TAMM41: variants seen among roughly 807,000 people sequenced by gnomAD.
TAMM41 encodes phosphatidate cytidylyltransferase, mitochondrial.
In TAMM41, 36 loss-of-function variants were observed where a neutral mutation model predicts 44.1. That is an observed-to-expected ratio of 0.82 (90% confidence interval 0.63 to 1.08). TAMM41 has a LOEUF of 1.08. TAMM41 is among the 50% of genes least tolerant of loss of function. The probability of loss-of-function intolerance (pLI) is 0.00; values close to 1 mark genes in which losing one functional copy is unlikely to be tolerated. For synonymous variants in TAMM41, 164 were observed against 153.1 expected, an observed-to-expected ratio of 1.07 and a Z score of -0.53; for missense variants, 417 against 404.3, an observed-to-expected ratio of 1.03 and a Z score of -0.27.
chr3:11,758,737 T>C, the TAMM41 span, among the ~76,000 whole-genome samples: 4 of 150,598 alleles, frequency 2.7e-5, no homozygotes, highest in Admixed American at 1.3e-4. Context: ...GCAGTGGTAC[T>C]ATCTCAGCTC....
the TAMM41 span, among the ~76,000 whole-genome samples, chr3:11,782,141 G>T: frequency 0.039 from 5,868 of 152,300 alleles, 153 homozygotes; most frequent in Non-Finnish European, 0.04. Flanking sequence ...CAAAGATGGG[G>T]TGTGATACTG....
At chr3:11,843,844 G>A (rs1002338498) in intron 2 of TAMM41, 185 bp downstream of exon 2, 3 of 614,550 alleles carry the variant, frequency 4.9e-6, no homozygotes, top group Non-Finnish European at 8.2e-6. Context: ...CGTCTGGCAG[G>A]AGTGTGAATG....
chr3:11,751,333 C>A, the TAMM41 span, among the ~76,000 whole-genome samples: 3 of 152,188 alleles, frequency 2.0e-5, no homozygotes, highest in Admixed American at 2.0e-4. Flanking sequence ...CTCAAGTGAT[C>A]TGCCCGCCTC....
the TAMM41 span, among the ~76,000 whole-genome samples, chr3:11,774,515 C>T: frequency 2.6e-5 from 4 of 152,224 alleles, no homozygotes; most frequent in African/African-American, 9.6e-5. Context: ...TCACAGGCCC[C>T]AGCTGCCGCC....
At chr3:11,726,476 T>TTATTAATG in the TAMM41 span, among the ~76,000 whole-genome samples, 1 of 152,164 alleles carries the variant, frequency 6.6e-6, no homozygotes, top group African/African-American at 2.4e-5. Flanking sequence ...TCGAGATTGA[T>TTATTAATG]TATTAATGTA....
chr3:11,739,664 T>A, the TAMM41 span, among the ~76,000 whole-genome samples: 2 of 70,608 alleles, frequency 2.8e-5, no homozygotes, highest in Non-Finnish European at 2.4e-5. Context: ...AGAACAAGAC[T>A]CCATCTCAAA....
chr3:11,779,803 G>A, the TAMM41 span, among the ~76,000 whole-genome samples: 3 of 152,246 alleles, frequency 2.0e-5, no homozygotes, highest in East Asian at 3.9e-4. Context: ...CATTCCAAAC[G>A]CAGCATGTTC....
chr3:11,758,498 C>T, the TAMM41 span, among the ~76,000 whole-genome samples: 134 of 147,646 alleles, frequency 9.1e-4, 1 homozygote, highest in African/African-American at 3.1e-3. Flanking sequence ...ATTACATGCA[C>T]GTGCCACCAT....
chr3:11,815,060 A>T (rs1242849906), intron 5 of TAMM41, among the ~76,000 whole-genome samples: 1 of 152,198 alleles, frequency 6.6e-6, no homozygotes, highest in Non-Finnish European at 1.5e-5. Context: ...AATTATCTCC[A>T]CCCTAGAATT....
chr3:11,801,387 A>C lies in TAMM41; in HGVS notation c.937+6446T>G, dbSNP rs117526108. On this transcript the variant is annotated intron_variant, in intron 7 of 7. Coordinates refer to ENST00000455809, the MANE Select transcript of TAMM41 (RefSeq NM_001284401.2). Reference sequence around the variant, plus strand: ...TACTGTGTCACCCAGGCTGTGGTGTAATCATGGCTCACCGTAGCCTCAAAC... The same window carrying C: ...TACTGTGTCACCCAGGCTGTGGTGTCATCATGGCTCACCGTAGCCTCAAAC... Among the ~76,000 whole-genome samples the C allele has an allele frequency of 9.5e-4, 144 of 152,198 alleles. 1 individual carries two copies. The East Asian group carries it at 0.026, about 27-fold the overall frequency.
At chr3:11,840,744 T>C (rs1482544415) in intron 2 of TAMM41, among the ~76,000 whole-genome samples, 1 of 151,874 alleles carries the variant, frequency 6.6e-6, no homozygotes, top group Non-Finnish European at 1.5e-5. Context: ...CCAAAGACAG[T>C]TTGAGAAGTG....
the TAMM41 span, among the ~76,000 whole-genome samples, chr3:11,726,689 G>C: frequency 6.6e-6 from 1 of 151,820 alleles, no homozygotes; most frequent in Non-Finnish European, 1.5e-5. Context: ...TGTAATCCCA[G>C]CTACTTGGGA....
chr3:11,759,006 T>C, the TAMM41 span, among the ~76,000 whole-genome samples: 1 of 152,040 alleles, frequency 6.6e-6, no homozygotes, highest in East Asian at 1.9e-4. Context: ...TTCTTTAATC[T>C]CCCCCAAATC....
At chr3:11,837,008 G>C (rs1408820619) in intron 3 of TAMM41, among the ~76,000 whole-genome samples, 3 of 152,198 alleles carry the variant, frequency 2.0e-5, no homozygotes, top group African/African-American at 7.2e-5. Flanking sequence ...GGTACAGTTT[G>C]ATAAATTTGT....
chr3:11,781,508 G>A, the TAMM41 span, among the ~76,000 whole-genome samples: 1 of 152,112 alleles, frequency 6.6e-6, no homozygotes, highest in Non-Finnish European at 1.5e-5. Context: ...GCCAAGGCTG[G>A]TGGATCACCT....
chr3:11,812,815 G>C (rs935427546), intron 5 of TAMM41, among the ~76,000 whole-genome samples: 3 of 152,102 alleles, frequency 2.0e-5, no homozygotes, highest in Non-Finnish European at 1.5e-5. Flanking sequence ...GGTAGCCAGG[G>C]TCCTCCAGAC....
intron 7 of TAMM41, among the ~76,000 whole-genome samples, chr3:11,796,474 A>G (rs1343220206): frequency 6.6e-6 from 1 of 152,164 alleles, no homozygotes; most frequent in African/African-American, 2.4e-5. Flanking sequence ...GGATTCCCGG[A>G]ATTTAACTGA....
At chr3:11,818,241 AATCCCCT>A (rs1202794525) in intron 4 of TAMM41, among the ~76,000 whole-genome samples, 100 of 152,306 alleles carry the variant, frequency 6.6e-4, no homozygotes, top group African/African-American at 2.3e-3. Flanking sequence ...GCTGCTGAGG[AATCCCCT>A]GGGGCTAGGA....
chr3:11,813,407 G>A (rs2078151795), intron 5 of TAMM41, among the ~76,000 whole-genome samples: 1 of 152,144 alleles, frequency 6.6e-6, no homozygotes, highest in South Asian at 2.1e-4. Context: ...GTGCATGCCT[G>A]TAGTTCCAGC....
Sources: allele counts gnomAD v4.1 joint callset (sites outside exome capture counted in the v4.1 genomes callset), GRCh38; gene constraint gnomAD v4.1.1; transcripts MANE v1.5; gene names NCBI Gene and HGNC (gene_info 2026-07-23, HGNC 2026-07-21).